Variants in TUSC3 observed in about 807,000 individuals in gnomAD.
TUSC3 encodes the protein tumor suppressor candidate 3.
In TUSC3, 45 loss-of-function variants were observed where a neutral mutation model predicts 44.8. That is an observed-to-expected ratio of 1.00 (90% CI 0.79 to 1.29). The LOEUF (loss-of-function observed/expected upper bound fraction) is 1.29, where lower values mean the gene tolerates loss of function less well. Among genes scored for constraint, TUSC3 ranks in the 50% most tolerant of loss-of-function variants. TUSC3 has a pLI of 0.00. For missense variants in TUSC3, 519 were observed against 437.9 expected (o/e 1.19, Z -1.65); for synonymous variants, 212 against 152.9 (o/e 1.39, Z -2.85).
the TUSC3 span, among the ~76,000 whole-genome samples, chr8:15,819,904 G>A: frequency 6.6e-6 from 1 of 152,088 alleles, no homozygotes; most frequent in Non-Finnish European, 1.5e-5. Context: ...TTTATTATAT[G>A]TTTTTCAAAC....
intron 1 of TUSC3, among the ~76,000 whole-genome samples, chr8:15,574,369 C>G (rs1295557186): frequency 6.6e-6 from 1 of 152,088 alleles, no homozygotes; most frequent in African/African-American, 2.4e-5. Flanking sequence ...ATGGAGTTGT[C>G]AAGAGGCATT....
At chr8:15,814,587 C>G in the TUSC3 span, among the ~76,000 whole-genome samples, 2 of 152,122 alleles carry the variant, frequency 1.3e-5, no homozygotes, top group African/African-American at 4.8e-5. Flanking sequence ...TCTCTTTGCT[C>G]AGGAGTTGAA....
At position 15,699,653 on chromosome 8, in the gene TUSC3, A is replaced by C. The variant is rs547562009; in HGVS notation, c.798+25817A>C. Among the ~76,000 whole-genome samples the C allele has an allele frequency of 3.0e-3, 450 of 152,332 alleles. 2 individuals carry two copies. Among genetic ancestry groups the C allele is most frequent in the Middle Eastern group, 0.024 (7 of 294 alleles). On this transcript the variant is annotated intron_variant, in intron 6 of 10. Transcript: ENST00000503731. ...TAGCACATGACATTTTCCCTTTAAT[A>C]TGAGTTTGAAAGATGAGGAAGTTGT...
intron 2 of TUSC3, among the ~76,000 whole-genome samples, chr8:15,529,163 C>T (rs1381641567): frequency 6.6e-6 from 1 of 152,134 alleles, no homozygotes; most frequent in Non-Finnish European, 1.5e-5. Flanking sequence ...AACACAAGTT[C>T]TAAAATGCAA....
At chr8:15,679,388 C>A (rs192389161) in intron 6 of TUSC3, among the ~76,000 whole-genome samples, 24 of 152,026 alleles carry the variant, frequency 1.6e-4, no homozygotes, top group Non-Finnish European at 3.2e-4. Context: ...GTTTATTGAC[C>A]ACTTGCATGT....
At chr8:15,679,109 T>C (rs1808306777) in intron 6 of TUSC3, among the ~76,000 whole-genome samples, 2 of 152,224 alleles carry the variant, frequency 1.3e-5, no homozygotes, top group Admixed American at 1.3e-4. Context: ...TATTTTCTTT[T>C]ATGTATATAC....
intron 1 of TUSC3, among the ~76,000 whole-genome samples, chr8:15,438,406 G>C (rs1424624325): frequency 6.6e-6 from 1 of 152,134 alleles, no homozygotes; most frequent in Non-Finnish European, 1.5e-5. Flanking sequence ...AGGGGTTGTT[G>C]TGTTATAGGA....
intron 1 of TUSC3, among the ~76,000 whole-genome samples, chr8:15,587,117 T>C (rs991444411): frequency 6.6e-6 from 1 of 152,140 alleles, no homozygotes; most frequent in African/African-American, 2.4e-5. Context: ...TGAAACAAAT[T>C]ATTTAATAGT....
chr8:15,653,382 A>T (rs35885223), intron 3 of TUSC3, among the ~76,000 whole-genome samples: 30,044 of 152,168 alleles, frequency 0.2, 3,811 homozygotes, highest in Non-Finnish European at 0.29. Flanking sequence ...TTTTTTTTAA[A>T]ATCTTCTGTG....
chr8:15,757,933 A>G (rs1812000857), intron 10 of TUSC3, 78 bp downstream of exon 10: 1 of 1,492,490 alleles, frequency 6.7e-7, no homozygotes. Flanking sequence ...ATCTCATAAG[A>G]CAAGTTGTAG....
intron 1 of TUSC3, among the ~76,000 whole-genome samples, chr8:15,618,801 C>A (rs528554205): frequency 2.0e-5 from 3 of 152,202 alleles, no homozygotes; most frequent in Non-Finnish European, 4.4e-5. Flanking sequence ...GCTTTGTTTA[C>A]ACCAGCATCA....
chr8:15,477,133 G>A (rs1373362363), intron 1 of TUSC3, among the ~76,000 whole-genome samples: 1 of 152,048 alleles, frequency 6.6e-6, no homozygotes, highest in African/African-American at 2.4e-5. Flanking sequence ...GGAAAGTTGG[G>A]GAGTTTCTTT....
intron 1 of TUSC3, among the ~76,000 whole-genome samples, chr8:15,455,603 C>T (rs1437965912): frequency 6.6e-6 from 1 of 151,842 alleles, no homozygotes; most frequent in Non-Finnish European, 1.5e-5. Flanking sequence ...ATGTAAAAAC[C>T]ATTCTTAGCC....
chr8:15,540,266 C>A lies in TUSC3; in HGVS notation c.-165C>A. 1 of 984,418 alleles carries A rather than the reference C, an allele frequency of 1.0e-6. No homozygotes were observed. Among genetic ancestry groups the A allele is most frequent in the Non-Finnish European group, 1.4e-6 (1 of 730,380 alleles). The allele number at this position is 984,418 out of a possible 1,614,324, so 61.0% of individuals were successfully genotyped here. A position where few individuals can be genotyped will look rare whatever the true frequency, so the allele number is the denominator to read the frequency against. ...CCGGTGAACCGGATGCTCTGTCAGT[C>A]TCCTCCTCTGCGTCCTCGGCCGCGG... On this transcript the variant is annotated 5_prime_UTR_variant, in exon 1 of 11. Transcript: ENST00000503731.
In TUSC3 at chr8:15,579,083, G is replaced by T. The variant is rs537800788; in HGVS notation, c.138+38515G>T. Among the ~76,000 whole-genome samples the T allele has an allele frequency of 2.0e-5, 3 of 152,114 alleles. No homozygotes were observed. The South Asian group carries it at 6.2e-4, about 32-fold the overall frequency. On this transcript the variant is annotated intron_variant, in intron 1 of 10. Transcript: ENST00000503731. ...TTGAGGAATTTATCCATTTCTTCTAGATTTTCTAGTTTATTTGCGTAGAGG... is the reference window on the plus strand; with the variant it reads ...TTGAGGAATTTATCCATTTCTTCTATATTTTCTAGTTTATTTGCGTAGAGG...
intron 2 of TUSC3, among the ~76,000 whole-genome samples, chr8:15,522,737 C>A (rs1279165175): frequency 1.3e-5 from 2 of 152,104 alleles, no homozygotes; most frequent in Non-Finnish European, 2.9e-5. Flanking sequence ...TCTTGTGAAG[C>A]TCTGGCTTCA....
the TUSC3 span, among the ~76,000 whole-genome samples, chr8:15,822,910 G>A: frequency 2.6e-5 from 4 of 152,084 alleles, no homozygotes; most frequent in Non-Finnish European, 5.9e-5. Context: ...GCAGTGGATT[G>A]AAGTCATATC....
chr8:15,700,154 A>T (rs1237767200), intron 6 of TUSC3, among the ~76,000 whole-genome samples: 2 of 152,162 alleles, frequency 1.3e-5, no homozygotes, highest in South Asian at 4.1e-4. Context: ...TTCAACTCCA[A>T]ATAATCTCTG....
intron 1 of TUSC3, among the ~76,000 whole-genome samples, chr8:15,436,590 A>G (rs545152260): frequency 1.4e-4 from 21 of 152,366 alleles, no homozygotes; most frequent in Non-Finnish European, 2.4e-4. Context: ...AGTACAGAGC[A>G]TGATTTTTTA....
Sources: allele counts gnomAD v4.1 joint callset (sites outside exome capture counted in the v4.1 genomes callset), GRCh38; gene constraint gnomAD v4.1.1; transcripts MANE v1.5; gene names NCBI Gene and HGNC (gene_info 2026-07-23, HGNC 2026-07-21).